DLGAP4: variants seen among roughly 807,000 people sequenced by gnomAD.
DLGAP4 encodes the protein DLG associated protein 4.
Under a neutral mutation model 86.9 loss-of-function variants are expected in DLGAP4, and 18 were observed. That is an observed-to-expected ratio of 0.21 (90% CI 0.14 to 0.31). The LOEUF (loss-of-function observed/expected upper bound fraction) is 0.31. DLGAP4 is among the 10% of genes least tolerant of loss of function. The pLI is 1.00. For missense variants in DLGAP4, 1,085 were observed against 1,362.6 expected (o/e 0.80, Z 3.21); for synonymous variants, 548 against 574.3 (o/e 0.95, Z 0.65).
At chr20:36,444,583 T>C (rs553827222) in intron 6 of DLGAP4, among the ~76,000 whole-genome samples, 2 of 150,870 alleles carry the variant, frequency 1.3e-5, no homozygotes, top group African/African-American at 2.4e-5. Context: ...GGCTTACCTG[T>C]GGTCTTGAGC....
intron 1 of DLGAP4, among the ~76,000 whole-genome samples, chr20:36,316,618 G>C (rs2065102734): frequency 6.6e-6 from 1 of 152,180 alleles, no homozygotes; most frequent in Non-Finnish European, 1.5e-5. Context: ...GGCACAGCTT[G>C]TGAGTGTTAC....
chr20:36,336,570 C>T (rs1235364942), intron 1 of DLGAP4, among the ~76,000 whole-genome samples: 1 of 152,222 alleles, frequency 6.6e-6, no homozygotes, highest in Non-Finnish European at 1.5e-5. Context: ...TATCTCCATT[C>T]CCTAGGATGA....
In DLGAP4 at chr20:36,525,961, C is replaced by T. The variant is rs148984109; in HGVS notation, c.2715C>T (p.Leu905=). The T allele has an allele frequency of 1.3e-5, 21 of 1,613,926 alleles. No homozygotes were observed. In the African/African-American group the frequency reaches 2.7e-4, roughly 21 times the overall value. Residue 905 remains leucine, a synonymous_variant, in exon 12 of 13, where the codon CTC becomes CTT. Transcript: ENST00000339266. ...TGAAGTTCGATGAACTCTACCACCT[C>T]AAGGCCAACAGCTGGCAGCTGGTGG... is the stretch of plus-strand genomic sequence containing the variant. ...ISMKFDELYH[L]KANSWQLVET... is the part of the protein sequence containing the mutation.
rs1321790706 is a variant in DLGAP4 at position 36,317,500 on chromosome 20, C to T, written c.-304+10988C>T. ...TTTTGTCAGAGCTCTGTTGCCCAGG[C>T]CGGAGTACAGTGACATGATCATAGC... On this transcript the variant is annotated intron_variant, in intron 1 of 12. Transcript: ENST00000339266. Among the ~76,000 whole-genome samples, 385 of 139,858 alleles carry T rather than the reference C, an allele frequency of 2.8e-3. 3 individuals carry two copies. Among genetic ancestry groups the T allele is most frequent in the African/African-American group, 0.01 (374 of 37,062 alleles). The allele number at this position is 139,858 out of a possible 152,430, so 91.8% of individuals were successfully genotyped here. A position where few individuals can be genotyped will look rare whatever the true frequency, so the allele number is the denominator to read the frequency against.
rs2034083481 is a variant in DLGAP4 at position 36,461,760 on chromosome 20, C to CCCGT, written c.1648+14826_1648+14827insTCCG. ...GTCCGTCCGTCCGTCCGCCCGCCCGCCCGCCCGCCCGCGCTTCCGTCCTGT... is the reference window on the plus strand; with the variant it reads ...GTCCGTCCGTCCGTCCGCCCGCCCGCCCGTCCGCCCGCCCGCGCTTCCGTCCTGT... On this transcript the variant is annotated intron_variant, in intron 7 of 12. Transcript: ENST00000339266. 23 of 735,482 alleles carry CCCGT rather than the reference C, an allele frequency of 3.1e-5. No homozygotes were observed. The South Asian group carries it at 1.1e-3, about 36-fold the overall frequency. 45.6% of individuals were successfully genotyped at this position (735,482 alleles called of 1,614,324 possible).
intron 7 of DLGAP4, among the ~76,000 whole-genome samples, chr20:36,456,601 G>C (rs1054475407): frequency 6.6e-6 from 1 of 152,218 alleles, no homozygotes; most frequent in Non-Finnish European, 1.5e-5. Flanking sequence ...GAGGACACTG[G>C]GCAGAAGGCA....
intron 3 of DLGAP4, among the ~76,000 whole-genome samples, chr20:36,433,342 G>A (rs1333693621): frequency 6.6e-6 from 1 of 152,210 alleles, no homozygotes; most frequent in African/African-American, 2.4e-5. Flanking sequence ...ACCCAGCTTG[G>A]GGGAATAGCT....
At position 36,525,908 on chromosome 20, in the gene DLGAP4, C is replaced by T. The variant is rs1458310395; in HGVS notation, c.2662C>T (p.Leu888=). 1 of 1,613,918 alleles carries T rather than the reference C, an allele frequency of 6.2e-7. No homozygotes were observed. The highest frequency in any genetic ancestry group is 1.1e-5 in the South Asian group (1 of 91,038). Residue 888 remains leucine, a synonymous_variant, in exon 12 of 13, where the codon CTA becomes TTA. Transcript: ENST00000339266. ...GGACCTGGCAGGGTTCTGGGACCTG[C>T]TACAGCTGTCCATCGAGGATATCAG... ...AQDLAGFWDL[L]QLSIEDISMK...
intron 7 of DLGAP4, among the ~76,000 whole-genome samples, chr20:36,485,791 T>C (rs988149613): frequency 6.6e-6 from 1 of 152,240 alleles, no homozygotes; most frequent in Admixed American, 6.5e-5. Flanking sequence ...TTTAAATCTG[T>C]ACAAATGCTA....
chr20:36,395,481 C>T (rs1229624401), intron 2 of DLGAP4, among the ~76,000 whole-genome samples: 3 of 152,062 alleles, frequency 2.0e-5, no homozygotes, highest in African/African-American at 7.2e-5. Flanking sequence ...ATGTAGTTAT[C>T]ACAGTCAGCA....
chr20:36,373,153 G>A (rs552522850), intron 2 of DLGAP4, among the ~76,000 whole-genome samples: 1 of 152,254 alleles, frequency 6.6e-6, no homozygotes, highest in African/African-American at 2.4e-5. Context: ...ATCATTCAGA[G>A]TTTTTTCAAG....
intron 2 of DLGAP4, among the ~76,000 whole-genome samples, chr20:36,383,846 G>C (rs953441785): frequency 5.9e-5 from 9 of 152,020 alleles, no homozygotes; most frequent in Non-Finnish European, 1.2e-4. Context: ...GTGGTGGCGA[G>C]CGCCTGTAGT....
chr20:36,525,494 T>C, intron 11 of DLGAP4: 2 of 334,960 alleles, frequency 6.0e-6, no homozygotes, highest in East Asian at 6.1e-5. Context: ...TCTGTGACCT[T>C]TCCCACCTGG....
intron 1 of DLGAP4, among the ~76,000 whole-genome samples, chr20:36,362,585 G>T (rs2147405866): frequency 6.6e-6 from 1 of 152,330 alleles, no homozygotes; most frequent in South Asian, 2.1e-4. Flanking sequence ...ATGACAGTTG[G>T]TCAAGGAATA....
chr20:36,371,356 G>A (rs2030925862), intron 2 of DLGAP4, among the ~76,000 whole-genome samples: 2 of 152,222 alleles, frequency 1.3e-5, no homozygotes, highest in East Asian at 3.8e-4. Flanking sequence ...ACAGGCTTGG[G>A]GAGGGACAGA....
intron 10 of DLGAP4, among the ~76,000 whole-genome samples, chr20:36,509,264 A>T (rs1206294433): frequency 1.3e-5 from 2 of 151,962 alleles, no homozygotes; most frequent in Non-Finnish European, 2.9e-5. Flanking sequence ...GTCTACTACA[A>T]ATGAAAATTT....
chr20:36,418,078 C>A (rs2032714808), intron 2 of DLGAP4, among the ~76,000 whole-genome samples: 1 of 151,390 alleles, frequency 6.6e-6, no homozygotes, highest in Admixed American at 6.6e-5. Flanking sequence ...AGCCACCGCG[C>A]CCGGCCTCAT....
intron 7 of DLGAP4, among the ~76,000 whole-genome samples, chr20:36,489,966 C>A (rs570575804): frequency 2.9e-4 from 43 of 146,022 alleles, no homozygotes; most frequent in African/African-American, 1.1e-3. Context: ...TCAAGCAATT[C>A]TCTTGCCTCA....
intron 2 of DLGAP4, among the ~76,000 whole-genome samples, chr20:36,430,729 C>T (rs958777067): frequency 9.4e-5 from 14 of 148,670 alleles, no homozygotes; most frequent in Non-Finnish European, 2.1e-4. Flanking sequence ...CCAAGGTGGG[C>T]GGATCACTTG....
Sources: gnomAD v4.1 joint callset for allele counts (sites outside exome capture counted in the v4.1 genomes callset) on GRCh38, gnomAD v4.1.1 for gene constraint, MANE v1.5 for transcripts, NCBI Gene and HGNC (gene_info 2026-07-23, HGNC 2026-07-21) for gene names.